RNF128: variants seen among roughly 807,000 people sequenced by gnomAD.
RNF128 encodes the protein ring finger protein 128.
RNF128 carries 13 observed loss-of-function variants against 26.2 expected under a neutral mutation model. The observed-to-expected ratio is 0.50, with a 90% CI of 0.32 to 0.79. The LOEUF is 0.79. RNF128 is among the 30% of genes least tolerant of loss of function. The pLI is 0.03. For missense variants in RNF128, 315 were observed against 349.7 expected (o/e 0.90, Z 0.79); for synonymous variants, 149 against 142.5 (o/e 1.05, Z -0.32).
chrX:106,748,739 T>A lies in RNF128; in HGVS notation c.484+21342T>A, dbSNP rs374546010. The stretch of plus-strand genomic sequence containing the variant: ...AAGTGAATCTCATGAAGATAGAGAG[T>A]AGATTGGTGGTTATCGGAGGCCAGG... On this transcript the variant is annotated intron_variant, in intron 1 of 6. Coordinates refer to ENST00000255499, the MANE Select transcript of RNF128 (RefSeq NM_194463.2). Among the ~76,000 whole-genome samples the A allele has an allele frequency of 2.5e-4, 28 of 110,438 alleles. No homozygotes were observed. The East Asian group carries it at 2.6e-3, about 10-fold the overall frequency.
At chrX:106,707,192 G>A (rs1929056702) in intron 1 of RNF128, among the ~76,000 whole-genome samples, 1 of 111,634 alleles carries the variant, frequency 9.0e-6, no homozygotes, top group Non-Finnish European at 1.9e-5. Flanking sequence ...ATGTACTTCA[G>A]AAATCCCTTA....
At chrX:106,706,384 G>A (rs1167112568) in intron 1 of RNF128, among the ~76,000 whole-genome samples, 3 of 101,387 alleles carry the variant, frequency 3.0e-5, no homozygotes, top group African/African-American at 1.3e-4. Context: ...GCTTCCTTAT[G>A]TGAAAAAAAA....
intron 4 of RNF128, among the ~76,000 whole-genome samples, chrX:106,788,453 T>C (rs1310247718): frequency 8.2e-5 from 4 of 48,860 alleles, no homozygotes; most frequent in Non-Finnish European, 1.3e-4. Flanking sequence ...ATAATTATAA[T>C]ATATATAATA....
chrX:106,699,911 G>A lies in RNF128; in HGVS notation c.406+5503G>A, dbSNP rs1928929364. ...TACCAGTTTAAATGTTTCTTCTAAC[G>A]GGTCTCCCTTGACCTTATACATATT... On this transcript the variant is annotated intron_variant, in intron 1 of 6. Transcript: ENST00000324342. Among the ~76,000 whole-genome samples the A allele has an allele frequency of 3.6e-5, 4 of 111,235 alleles. No individual in the cohort carries two copies. The Middle Eastern group carries it at 0.018, about 508-fold the overall frequency.
chrX:106,748,263 GA>G (rs1000974305), intron 1 of RNF128, among the ~76,000 whole-genome samples: 1 of 111,779 alleles, frequency 8.9e-6, no homozygotes, highest in Non-Finnish European at 1.9e-5. Flanking sequence ...AACATTTTGA[GA>G]AAAAAACATA....
At chrX:106,722,465 A>T (rs1043428704), upstream of RNF128, among the ~76,000 whole-genome samples, 8 of 111,771 alleles carry the variant, frequency 7.2e-5, no homozygotes, top group Admixed American at 7.6e-4. Context: ...TGATCAACAG[A>T]CCTCACTCTT....
chrX:106,730,727 A>G (rs1249701335), intron 1 of RNF128, among the ~76,000 whole-genome samples: 1 of 111,255 alleles, frequency 9.0e-6, no homozygotes, highest in Non-Finnish European at 1.9e-5. Flanking sequence ...CAGAACTACA[A>G]CCTTCATAAT....
chrX:106,791,280 A>G (rs1222474427), intron 6 of RNF128, 46 bp downstream of exon 6: 4 of 1,118,936 alleles, frequency 3.6e-6, no homozygotes, highest in Non-Finnish European at 4.9e-6. Context: ...AATCCATTGT[A>G]GATCATATGC....
At chrX:106,785,214 A>G in intron 3 of RNF128, 78 bp downstream of exon 3, 3 of 788,343 alleles carry the variant, frequency 3.8e-6, no homozygotes, top group Non-Finnish European at 5.4e-6. Context: ...TGTTCTTCCT[A>G]AGTATGCTTT....
At chrX:106,794,957 C>A (rs909178644) in intron 6 of RNF128, among the ~76,000 whole-genome samples, 9 of 111,320 alleles carry the variant, frequency 8.1e-5, no homozygotes, top group African/African-American at 2.9e-4. Flanking sequence ...TAACACATAC[C>A]CCTGTGTAAA....
At chrX:106,742,855 T>C (rs1929726125) in intron 1 of RNF128, among the ~76,000 whole-genome samples, 1 of 111,225 alleles carries the variant, frequency 9.0e-6, no homozygotes, top group South Asian at 3.8e-4. Context: ...ATTAATTTTA[T>C]TAAATCTCTA....
chrX:106,723,569 A>AAT (rs1166271253), upstream of RNF128, among the ~76,000 whole-genome samples: 169 of 108,065 alleles, frequency 1.6e-3, no homozygotes, highest in African/African-American at 4.6e-3. Flanking sequence ...CTCTGTCTAA[A>AAT]ATATATATAT....
At chrX:106,764,653 G>A (rs5020422) in intron 1 of RNF128, among the ~76,000 whole-genome samples, 14,998 of 109,919 alleles carry the variant, frequency 0.14, 2,576 homozygotes, top group African/African-American at 0.48. Context: ...GGTAAGGAGC[G>A]AAACTCCGTC....
At chrX:106,740,177 G>GT (rs1929678545) in intron 1 of RNF128, among the ~76,000 whole-genome samples, 1 of 111,774 alleles carries the variant, frequency 8.9e-6, no homozygotes, top group African/African-American at 3.3e-5. Context: ...CAATGATAGT[G>GT]TTTTTTCCTT....
upstream of RNF128, among the ~76,000 whole-genome samples, chrX:106,723,444 G>A (rs1929347645): frequency 9.0e-6 from 1 of 110,850 alleles, no homozygotes; most frequent in Non-Finnish European, 1.9e-5. Context: ...GCACGCGCCT[G>A]TAATTCCAGC....
Position 106,791,219 on chromosome X carries a change from C to T in RNF128, c.1138C>T (p.His380Tyr), listed in dbSNP as rs146617898. ...QGTDEPPLEE[H>Y]VQSTNESLQL... ...AACAGATGAACCGCCTCTGGAGGAA[C>T]ACGTGCAGTCAACAAGTAAGCATCA... Residue 380 changes from histidine (H) to tyrosine (Y), a missense_variant, in exon 6 of 7, where the codon CAC becomes TAC. Transcript: ENST00000255499. 3.2e-4 allele frequency: 387 copies of T among 1,205,580 alleles called. No homozygotes were observed. The African/African-American group carries it at 5.0e-3, about 15-fold the overall frequency.
chrX:106,733,333 C>T (rs980763569), intron 1 of RNF128, among the ~76,000 whole-genome samples: 3 of 111,061 alleles, frequency 2.7e-5, no homozygotes, highest in Non-Finnish European at 5.7e-5. Context: ...CCCCCTCAGT[C>T]CCTGGAAGAT....
chrX:106,707,799 G>A (rs771497614), intron 1 of RNF128, among the ~76,000 whole-genome samples: 1 of 109,431 alleles, frequency 9.1e-6, no homozygotes, highest in Admixed American at 1.0e-4. Context: ...AAGGCAAATG[G>A]TCCCAGGAAA....
chrX:106,747,043 G>T (rs1929804655), intron 1 of RNF128, among the ~76,000 whole-genome samples: 1 of 111,735 alleles, frequency 8.9e-6, no homozygotes, highest in African/African-American at 3.2e-5. Flanking sequence ...CAAATACAAA[G>T]TGGTATAAAT....
Sources: allele counts gnomAD v4.1 joint callset (sites outside exome capture counted in the v4.1 genomes callset), GRCh38; gene constraint gnomAD v4.1.1; transcripts MANE v1.5; gene names NCBI Gene and HGNC (gene_info 2026-07-23, HGNC 2026-07-21).